FAM193B: variants seen among roughly 807,000 people sequenced by gnomAD.
FAM193B encodes the protein protein FAM193B.
A neutral mutation model predicts 70.7 loss-of-function variants in FAM193B; 27 were observed. That is an observed-to-expected ratio of 0.38 (90% CI 0.28 to 0.53). The LOEUF is 0.53. Among genes scored for constraint, FAM193B ranks in the 20% least tolerant of loss-of-function variants. The probability of loss-of-function intolerance (pLI) is 0.81; values close to 1 mark genes in which losing one functional copy is unlikely to be tolerated. For synonymous variants in FAM193B, 448 were observed against 436.0 expected (o/e 1.03, Z -0.34); for missense variants, 1,022 against 1,072.5 (o/e 0.95, Z 0.66).
intron 7 of FAM193B, among the ~76,000 whole-genome samples, chr5:177,523,708 C>A (rs147588655): frequency 2.6e-5 from 4 of 152,384 alleles, no homozygotes; most frequent in Admixed American, 1.3e-4. Flanking sequence ...GGAAAAAGCC[C>A]TGGTTCTTGG....
rs1329288191 is a variant in FAM193B, at chr5:177,538,910, C to T, written c.448G>A (p.Val150Met). The change falls in exon 2 of 9, where the codon GTG (valine) becomes ATG (methionine). Residue 150 changes from valine (V) to methionine (M), a missense_variant. Transcript: ENST00000514747. This position sits in a 1 kb window ranked among gnomAD's most constrained non-coding sequence, Gnocchi z 4.1. ...DERQTGREHA[V>M]AISLSHTSCK... ...CCCTGTCAGCGGTTACCTACCGCCA[C>T]TGCATGTTCTCGACCTGTCTGCCTT... 6.2e-7 allele frequency: 1 copy of T among 1,614,028 alleles called. No homozygotes were observed. Among genetic ancestry groups the T allele is most frequent in the Admixed American group, 1.7e-5 (1 of 60,038 alleles).
intron 5 of FAM193B, chr5:177,525,415 G>C (rs1219265338): frequency 9.5e-6 from 4 of 419,304 alleles, no homozygotes; most frequent in African/African-American, 6.1e-5. Flanking sequence ...CACACCCACA[G>C]AGGGTAGGGT....
intron 1 of FAM193B, chr5:177,553,386 CTT>C (rs897497766): frequency 1.3e-5 from 13 of 1,004,468 alleles, no homozygotes; most frequent in African/African-American, 7.0e-5. Context: ...ACTCAAAACT[CTT>C]TTGTCAGAGC....
chr5:177,536,745 C>T lies in FAM193B; in HGVS notation c.689G>A (p.Gly230Asp). 1 of 1,552,446 alleles carries T rather than the reference C, an allele frequency of 6.4e-7. No individual in the cohort carries two copies. Among genetic ancestry groups the T allele is most frequent in the Non-Finnish European group, 8.7e-7 (1 of 1,149,446 alleles). Residue 230 changes from glycine (G) to aspartate (D), a missense_variant and splice_region_variant, in exon 4 of 9, where the codon GGT becomes GAT. Transcript: ENST00000514747. The stretch of plus-strand genomic sequence containing the variant: ...GTGCTCCGAGACGGGGAAAGCCTCA[C>T]CTGTGGGCAGAGGGAGGAGAAAGGG... ...SSLGSPPTIPGEAFPVSEHHQ... is the reference protein window; with the variant it reads ...SSLGSPPTIPDEAFPVSEHHQ...
intron 1 of FAM193B, chr5:177,553,941 G>A: frequency 1.6e-6 from 2 of 1,237,832 alleles, no homozygotes; most frequent in East Asian, 4.7e-5. Flanking sequence ...CGGAGCTGCG[G>A]CCTCGGGATC....
At chr5:177,551,085 T>C (rs953171323) in intron 1 of FAM193B, among the ~76,000 whole-genome samples, 3 of 151,936 alleles carry the variant, frequency 2.0e-5, no homozygotes, top group African/African-American at 7.3e-5. Flanking sequence ...TCCTCCTGCC[T>C]CAGCCTCCCA....
intron 1 of FAM193B, among the ~76,000 whole-genome samples, chr5:177,545,325 T>G (rs1204645653): frequency 1.3e-5 from 2 of 152,226 alleles, no homozygotes; most frequent in African/African-American, 4.8e-5. Flanking sequence ...ATTACAGGCA[T>G]GAGCCACCAC....
chr5:177,554,103 G>A, intron 1 of FAM193B, 146 bp downstream of exon 1: 1 of 1,397,014 alleles, frequency 7.2e-7, no homozygotes, highest in Non-Finnish European at 9.3e-7. Flanking sequence ...CCCGCCCCGG[G>A]GGAGAAAGCT....
chr5:177,537,246 T>G (rs925456714), intron 3 of FAM193B, among the ~76,000 whole-genome samples: 1 of 152,210 alleles, frequency 6.6e-6, no homozygotes, highest in South Asian at 2.1e-4. Context: ...TATATACTGC[T>G]CAACACTCAT....
chr5:177,546,500 A>G (rs1404537334), intron 1 of FAM193B, among the ~76,000 whole-genome samples: 1 of 152,264 alleles, frequency 6.6e-6, no homozygotes, highest in Non-Finnish European at 1.5e-5. Context: ...CAAAGGCAGA[A>G]TTTAAAACAG....
chr5:177,550,000 C>T, intron 1 of FAM193B, among the ~76,000 whole-genome samples: 1 of 152,036 alleles, frequency 6.6e-6, no homozygotes, highest in South Asian at 2.1e-4. Flanking sequence ...TAGGATCATC[C>T]ATCTGATATC....
intron 8 of FAM193B, among the ~76,000 whole-genome samples, chr5:177,520,580 T>C (rs1761571142): frequency 6.6e-6 from 1 of 152,144 alleles, no homozygotes; most frequent in Non-Finnish European, 1.5e-5. Context: ...TCTTCTATCT[T>C]GGAAAAGAGG....
At chr5:177,549,867 TTATTA>T (rs33937217) in intron 1 of FAM193B, among the ~76,000 whole-genome samples, 126,730 of 151,778 alleles carry the variant, frequency 0.83, 54,809 homozygotes, top group Non-Finnish European at 0.94. Flanking sequence ...GAATCCTTAC[TTATTA>T]TAATTTTTAA....
At chr5:177,531,934 G>A (rs2127462922) in intron 5 of FAM193B, 2 of 1,250,858 alleles carry the variant, frequency 1.6e-6, no homozygotes, top group South Asian at 1.3e-5. Context: ...ACCCTAACCA[G>A]CGGCCCTCTC....
intron 1 of FAM193B, 37 bp from the exon 2 acceptor site, chr5:177,539,184 G>T (rs1032799623): frequency 6.6e-7 from 1 of 1,510,720 alleles, no homozygotes; most frequent in East Asian, 2.5e-5. Context: ...CCCAGGAGGG[G>T]AAAGGCTCTC....
Position 177,554,524 on chromosome 5 carries a change from G to C in FAM193B, c.-66C>G, listed in dbSNP as rs1398495818. The C allele has an allele frequency of 1.1e-6, 1 of 914,992 alleles. No individual in the cohort carries two copies. Among genetic ancestry groups the C allele is most frequent in the African/African-American group, 1.8e-5 (1 of 55,236 alleles). 56.7% of individuals were successfully genotyped at this position (914,992 alleles called of 1,614,324 possible). A position where few individuals can be genotyped will look rare whatever the true frequency, so the allele number is the denominator to read the frequency against. ...CGCCGCCGCCGCCGCCGCCGCCGCC[G>C]CCGCCGCTACCGCTCCCCTCACAGG... is the stretch of plus-strand genomic sequence containing the variant. On this transcript the variant is annotated 5_prime_UTR_variant, in exon 1 of 9. Transcript: ENST00000514747.
At chr5:177,544,044 G>A (rs949154538) in intron 1 of FAM193B, among the ~76,000 whole-genome samples, 1 of 152,232 alleles carries the variant, frequency 6.6e-6, no homozygotes, top group South Asian at 2.1e-4. Context: ...CTAGCCTTAG[G>A]CAAAAGATGA....
At chr5:177,547,413 T>A (rs1474852327) in intron 1 of FAM193B, among the ~76,000 whole-genome samples, 1 of 148,548 alleles carries the variant, frequency 6.7e-6, no homozygotes, top group Non-Finnish European at 1.5e-5. Flanking sequence ...GCCTCCTGTG[T>A]AGCTGGGACT....
Position 177,523,977 on chromosome 5 carries a change from T to C in FAM193B, c.2352A>G (p.Arg784=), listed in dbSNP as rs1762173543. Residue 784 remains arginine (R), a synonymous_variant, in exon 7 of 9, where the codon CGA becomes CGG. Transcript: ENST00000514747. The part of the protein sequence containing the change: ...MDGVEMDETD[R]EVEYFKRFCL... ...CCTACCTCTTAAAGTACTCCACCTC[T>C]CGGTCAGTCTCATCCATCTCCACCC... is the stretch of plus-strand genomic sequence containing the variant. 1 of 1,613,898 alleles carries C rather than the reference T, an allele frequency of 6.2e-7. No individual in the cohort carries two copies. Among genetic ancestry groups the C allele is most frequent in the Non-Finnish European group, 8.5e-7 (1 of 1,179,894 alleles).
Sources: gnomAD v4.1 joint callset for allele counts (sites outside exome capture counted in the v4.1 genomes callset) on GRCh38, gnomAD v4.1.1 for gene constraint, Gnocchi (gnomAD v3.1) non-coding constraint, MANE v1.5 for transcripts, NCBI Gene and HGNC (gene_info 2026-07-23, HGNC 2026-07-21) for gene names.